The following ADCYAP1R1 variants were observed in gnomAD, a reference collection of about 807,000 sequenced individuals.
ADCYAP1R1 encodes ADCYAP receptor type I.
A neutral mutation model predicts 67.6 loss-of-function variants in ADCYAP1R1; 44 were observed. That is an observed-to-expected ratio of 0.65 (90% CI 0.51 to 0.84). ADCYAP1R1 has a LOEUF of 0.84. ADCYAP1R1 is among the 40% of genes least tolerant of loss of function. ADCYAP1R1 has a pLI of 0.00. For synonymous variants in ADCYAP1R1, 222 were observed against 219.6 expected, an observed-to-expected ratio of 1.01 and a Z score of -0.10; for missense variants, 477 against 587.9, an observed-to-expected ratio of 0.81 and a Z score of 1.95.
In ADCYAP1R1 at chr7:31,106,639, C is replaced by T. The variant is rs754277439; in HGVS notation, c.1362C>T (p.Ser454=). The T allele has an allele frequency of 6.2e-7, 1 of 1,612,998 alleles. No homozygotes were observed. The highest frequency in any genetic ancestry group is 8.5e-7 in the Non-Finnish European group (1 of 1,179,472). Residue 454 remains serine (S), a synonymous_variant, in exon 16 of 16, where the codon TCC becomes TCT. Transcript: ENST00000304166. ...TQLSILSKSS[S]QIRMSGLPAD... Reference sequence around the variant, plus strand: ...TCTCCATCCTGAGCAAGAGCAGCTCCCAAATCCGCATGTCTGGCCTCCCTG... The same window carrying T: ...TCTCCATCCTGAGCAAGAGCAGCTCTCAAATCCGCATGTCTGGCCTCCCTG...
chr7:31,084,458 C>T (rs1795653685), intron 7 of ADCYAP1R1, among the ~76,000 whole-genome samples: 1 of 152,224 alleles, frequency 6.6e-6, no homozygotes, highest in Non-Finnish European at 1.5e-5. Flanking sequence ...CTTCCTGGAC[C>T]TTTGTGTAGT....
chr7:31,064,779 T>G, intron 2 of ADCYAP1R1, 52 bp from the exon 3 acceptor site: 1 of 1,451,022 alleles, frequency 6.9e-7, no homozygotes, highest in South Asian at 1.2e-5. Context: ...TAGGAGAGCT[T>G]ACAGATGGGC....
rs1038580107 is a variant in ADCYAP1R1, at chr7:31,109,211, G to A, written c.*2527G>A. ...GTTAGTTGGTTGTTTTTCCGTCTGA[G>A]TGAATTTTTGCCAGTCTTGTGAGCA... On this transcript the variant is annotated 3_prime_UTR_variant, in exon 16 of 16. Transcript: ENST00000304166. The A allele has an allele frequency of 6.6e-6, 1 of 152,260 alleles. No homozygotes were observed. Among genetic ancestry groups the A allele is most frequent in the Admixed American group, 6.5e-5 (1 of 15,284 alleles). The allele number at this position is 152,260 out of a possible 1,614,324, so 9.4% of individuals were successfully genotyped here.
rs1186117488 is a variant in ADCYAP1R1 at position 31,102,330 on chromosome 7, T to C, written c.1047-907T>C. Reference sequence around the variant, plus strand: ...ACATCTGCAGGGCAGAGCTGGACTCTCTGGGGGAGACCCACAGGGAGCCAG... The same window carrying C: ...ACATCTGCAGGGCAGAGCTGGACTCCCTGGGGGAGACCCACAGGGAGCCAG... On this transcript the variant is annotated intron_variant, in intron 13 of 15. Transcript: ENST00000304166. This position sits in a 1 kb window ranked among gnomAD's most constrained non-coding sequence, Gnocchi z 4.3. 6.6e-6 allele frequency among the ~76,000 whole-genome samples: 1 copy of C among 152,180 alleles called. No homozygotes were observed. Among genetic ancestry groups the C allele is most frequent in the Non-Finnish European group, 1.5e-5 (1 of 68,022 alleles).
rs1463882581 is a variant in ADCYAP1R1, at chr7:31,109,760, A to G, written c.*3076A>G. The G allele has an allele frequency of 6.6e-6, 1 of 152,466 alleles. No individual in the cohort carries two copies. The highest frequency in any genetic ancestry group is 1.5e-5 in the Non-Finnish European group (1 of 68,094). The allele number at this position is 152,466 out of a possible 1,614,324, so 9.4% of individuals were successfully genotyped here. A position where few individuals can be genotyped will look rare whatever the true frequency, so the allele number is the denominator to read the frequency against. ...CTGGAGGAAATGGGATTCCAAGTCA[A>G]GGATGCTGAGGCTGTCAGGGAGCCA... is the stretch of plus-strand genomic sequence containing the variant. On this transcript the variant is annotated 3_prime_UTR_variant, in exon 16 of 16. Coordinates refer to ENST00000304166, the MANE Select transcript of ADCYAP1R1 (RefSeq NM_001118.5).
intron 14 of ADCYAP1R1, among the ~76,000 whole-genome samples, chr7:31,104,546 T>A (rs1796561093): frequency 6.6e-6 from 1 of 152,050 alleles, no homozygotes; most frequent in South Asian, 2.1e-4. Flanking sequence ...CTAAGAGAAA[T>A]TCTAGGGCAT....
Position 31,106,478 on chromosome 7 carries a change from C to T in ADCYAP1R1, c.1219-18C>T. 2 of 1,588,422 alleles carry T rather than the reference C, an allele frequency of 1.3e-6. No individual in the cohort carries two copies. Among genetic ancestry groups the T allele is most frequent in the South Asian group, 2.3e-5 (2 of 85,352 alleles). Reference sequence around the variant, plus strand: ...AGGATGTCCATCTGGAAGTGACCGCCCAGTTTGCTCCCTGCAGGTACAAGC... The same window carrying T: ...AGGATGTCCATCTGGAAGTGACCGCTCAGTTTGCTCCCTGCAGGTACAAGC... On this transcript the variant is annotated intron_variant, in intron 15 of 15. Coordinates refer to ENST00000304166, the MANE Select transcript of ADCYAP1R1 (RefSeq NM_001118.5).
Position 31,078,032 on chromosome 7 carries a change from G to C in ADCYAP1R1, c.199G>C (p.Ala67Pro). 1.9e-6 allele frequency: 3 copies of C among 1,613,118 alleles called. No individual in the cohort carries two copies. The highest frequency in any genetic ancestry group is 2.5e-6 in the Non-Finnish European group (3 of 1,179,464). ...MWDNITCWKPAHVGEMVLVSC... is the reference protein window; with the variant it reads ...MWDNITCWKPPHVGEMVLVSC... ...GGACAACATCACGTGTTGGAAGCCC[G>C]CCCATGTGGGTGAGATGGTCCTGGT... The change falls in exon 4 of 16, where the codon GCC becomes CCC. Residue 67 changes from alanine (A) to proline (P), a missense_variant. Coordinates refer to ENST00000304166, the MANE Select transcript of ADCYAP1R1 (RefSeq NM_001118.5).
At chr7:31,094,775 G>A (rs1033668398) in intron 13 of ADCYAP1R1, among the ~76,000 whole-genome samples, 2 of 152,078 alleles carry the variant, frequency 1.3e-5, no homozygotes, top group Non-Finnish European at 2.9e-5. Context: ...ATAGATAAGA[G>A]CTACCTGTAA....
intron 2 of ADCYAP1R1, among the ~76,000 whole-genome samples, chr7:31,064,485 C>CA (rs1794647935): frequency 6.6e-6 from 1 of 152,220 alleles, no homozygotes; most frequent in South Asian, 2.1e-4. Context: ...CTTCATAGTA[C>CA]TCTCCAGATC....
At chr7:31,101,092 G>T (rs2128639633) in intron 13 of ADCYAP1R1, among the ~76,000 whole-genome samples, 1 of 152,184 alleles carries the variant, frequency 6.6e-6, no homozygotes, top group East Asian at 1.9e-4. Context: ...CTCCTTGTCT[G>T]TCCCTACTGC....
intron 3 of ADCYAP1R1, 106 bp from the exon 4 acceptor site, chr7:31,077,885 T>C (rs1471411336): frequency 6.1e-6 from 4 of 652,226 alleles, no homozygotes; most frequent in Non-Finnish European, 1.0e-5. Context: ...GTGTGTGGTG[T>C]CTGTGGTGTG....
At chr7:31,071,058 T>C (rs1794954547) in intron 3 of ADCYAP1R1, among the ~76,000 whole-genome samples, 1 of 152,210 alleles carries the variant, frequency 6.6e-6, no homozygotes, top group African/African-American at 2.4e-5. Flanking sequence ...ATGGGGACCT[T>C]GTTCTAACAA....
rs1235722738 is a variant in ADCYAP1R1, at chr7:31,094,206, T to A, written c.1046+1471T>A. Among the ~76,000 whole-genome samples the A allele has an allele frequency of 2.0e-5, 3 of 152,218 alleles. No individual in the cohort carries two copies. In the East Asian group the frequency reaches 5.8e-4, roughly 29 times the overall value. On this transcript the variant is annotated intron_variant, in intron 13 of 15. Coordinates refer to ENST00000304166, the MANE Select transcript of ADCYAP1R1 (RefSeq NM_001118.5). ...TTCTTGCTTATATGTGTATATTATG[T>A]AGTAGAAAATTATTCATCAATATAA...
Position 31,084,244 on chromosome 7 carries a change from G to A in ADCYAP1R1, c.432G>A (p.Gly144=). ...TTGATGAATATGAATCTGAGACTGGGGACCAGGTGAGTGTCTGCACCCTGC... is the reference window on the plus strand; with the variant it reads ...TTGATGAATATGAATCTGAGACTGGAGACCAGGTGAGTGTCTGCACCCTGC... ...CGFDEYESET[G]DQDYYYLSVK... is the part of the protein sequence containing the mutation. Residue 144 remains glycine (G), a synonymous_variant, in exon 7 of 16, where the codon GGG becomes GGA. Coordinates refer to ENST00000304166, the MANE Select transcript of ADCYAP1R1 (RefSeq NM_001118.5). 16 of 1,613,792 alleles carry A rather than the reference G, an allele frequency of 9.9e-6. No homozygotes were observed. The highest frequency in any genetic ancestry group is 1.4e-5 in the Non-Finnish European group (16 of 1,179,788).
intron 3 of ADCYAP1R1, among the ~76,000 whole-genome samples, chr7:31,068,996 G>A (rs1166410275): frequency 6.6e-6 from 1 of 152,218 alleles, no homozygotes; most frequent in Admixed American, 6.5e-5. Flanking sequence ...CTGCAGCACT[G>A]TAGAGCCCCC....
At chr7:31,083,138 T>C (rs1394569354) in intron 6 of ADCYAP1R1, among the ~76,000 whole-genome samples, 2 of 152,224 alleles carry the variant, frequency 1.3e-5, no homozygotes, top group Admixed American at 1.3e-4. Flanking sequence ...TTGAATGCTG[T>C]GAAGGGAAGA....
chr7:31,056,023 C>T (rs1299769089), intron 1 of ADCYAP1R1, among the ~76,000 whole-genome samples: 2 of 152,234 alleles, frequency 1.3e-5, no homozygotes, highest in African/African-American at 4.8e-5. Flanking sequence ...GCCCCCTTCA[C>T]CATTCACCCT....
At chr7:31,067,845 C>A (rs1794806418) in intron 3 of ADCYAP1R1, among the ~76,000 whole-genome samples, 1 of 152,216 alleles carries the variant, frequency 6.6e-6, no homozygotes, top group African/African-American at 2.4e-5. Context: ...ATGGGATTTA[C>A]TAAGCACTTA....
Sources: gnomAD v4.1 joint callset for allele counts (sites outside exome capture counted in the v4.1 genomes callset) on GRCh38, gnomAD v4.1.1 for gene constraint, Gnocchi (gnomAD v3.1) non-coding constraint, MANE v1.5 for transcripts, NCBI Gene and HGNC (gene_info 2026-07-23, HGNC 2026-07-21) for gene names.